TCF7L1: variants seen among roughly 807,000 people sequenced by gnomAD.
The protein encoded by TCF7L1 is transcription factor 7 like 1, also known as transcription factor 7-like 1.
A neutral mutation model predicts 63.7 loss-of-function variants in TCF7L1; 18 were observed. The observed-to-expected ratio is 0.28, with a 90% CI of 0.20 to 0.42. TCF7L1 has a LOEUF of 0.42. Ranked by LOEUF, TCF7L1 falls within the 10% of genes least tolerant of loss-of-function variation. TCF7L1 has a pLI of 1.00. For missense variants in TCF7L1, 654 were observed against 779.3 expected (o/e 0.84, Z 1.91); for synonymous variants, 355 against 340.9 (o/e 1.04, Z -0.46).
At chr2:85,261,126 GTGTGTGT>G (rs1558649404) in intron 3 of TCF7L1, among the ~76,000 whole-genome samples, 1,657 of 106,870 alleles carry the variant, frequency 0.016, 11 homozygotes, top group African/African-American at 0.04. Context: ...TATTGCTGGT[GTGTGTGT>G]GTGTGTGTGT....
intron 3 of TCF7L1, among the ~76,000 whole-genome samples, chr2:85,202,022 G>C (rs1317699903): frequency 6.6e-6 from 1 of 151,892 alleles, no homozygotes; most frequent in Non-Finnish European, 1.5e-5. Flanking sequence ...AAGTGCAGTG[G>C]TGCGATCTCA....
intron 3 of TCF7L1, among the ~76,000 whole-genome samples, chr2:85,147,954 TATTA>T (rs568602228): frequency 1.3e-4 from 20 of 152,304 alleles, no homozygotes; most frequent in Non-Finnish European, 2.8e-4. Flanking sequence ...AGTTTTTACT[TATTA>T]ATTATGTTAT....
At chr2:85,274,031 G>A (rs56152018) in intron 3 of TCF7L1, among the ~76,000 whole-genome samples, 8,387 of 152,252 alleles carry the variant, frequency 0.055, 322 homozygotes, top group Non-Finnish European at 0.08. Context: ...GGAGGGAAGC[G>A]TGTCAGTAGA....
chr2:85,174,678 G>A (rs1179868934), intron 3 of TCF7L1, among the ~76,000 whole-genome samples: 1 of 152,180 alleles, frequency 6.6e-6, no homozygotes, highest in Non-Finnish European at 1.5e-5. Context: ...CCTAGCACCT[G>A]AGAGCCTCCT....
At position 85,281,091 on chromosome 2, in the gene TCF7L1, T is replaced by C. The variant is rs899658318; in HGVS notation, c.442-2404T>C. On this transcript the variant is annotated intron_variant, in intron 3 of 11. Transcript: ENST00000282111. ...CAGGCTGGAGTGCAGTGGTGTGATCTCGGTTCACTGCAACCTCCGCCTCCT... is the reference window on the plus strand; with the variant it reads ...CAGGCTGGAGTGCAGTGGTGTGATCCCGGTTCACTGCAACCTCCGCCTCCT... 6.1e-5 allele frequency among the ~76,000 whole-genome samples: 9 copies of C among 148,342 alleles called. No individual in the cohort carries two copies. The Admixed American group carries it at 6.1e-4, about 10-fold the overall frequency.
At chr2:85,307,257 GTTC>G (rs753514790) in intron 10 of TCF7L1, among the ~76,000 whole-genome samples, 2 of 152,324 alleles carry the variant, frequency 1.3e-5, no homozygotes, top group Non-Finnish European at 2.9e-5. Context: ...TCGCATGCGT[GTTC>G]TTCTTTGCTT....
chr2:85,215,310 G>A (rs1285283731), intron 3 of TCF7L1, among the ~76,000 whole-genome samples: 1 of 152,230 alleles, frequency 6.6e-6, no homozygotes, highest in Admixed American at 6.5e-5. Context: ...TGCTAAAGAT[G>A]CTGATTGTCA....
chr2:85,265,740 G>A (rs549982289), intron 3 of TCF7L1, among the ~76,000 whole-genome samples: 2 of 151,410 alleles, frequency 1.3e-5, no homozygotes, highest in African/African-American at 4.8e-5. Context: ...ATGAGAGGCT[G>A]AAGATTTGAA....
intron 3 of TCF7L1, among the ~76,000 whole-genome samples, chr2:85,241,431 G>GTTTTTTTTTTTTTTTTTTTT (rs1273488175): frequency 4.4e-5 from 3 of 68,788 alleles, no homozygotes; most frequent in East Asian, 5.4e-4. Flanking sequence ...GATGCACTTT[G>GTTTTTTTTTTTTTTTTTTTT]TTTTTGTTTT....
intron 3 of TCF7L1, among the ~76,000 whole-genome samples, chr2:85,149,589 A>G (rs1677962542): frequency 6.6e-6 from 1 of 152,006 alleles, no homozygotes; most frequent in Non-Finnish European, 1.5e-5. Context: ...CAGTGGCGCC[A>G]TCTCAGCTCA....
At position 85,133,710 on chromosome 2, in the gene TCF7L1, G is replaced by A. The variant is rs1334521210; in HGVS notation, c.26G>A (p.Gly9Asp). 4 of 1,062,350 alleles carry A rather than the reference G, an allele frequency of 3.8e-6. No individual in the cohort carries two copies. In the African/African-American group the frequency reaches 5.1e-5, roughly 14 times the overall value. The allele number at this position is 1,062,350 out of a possible 1,614,324, so 65.8% of individuals were successfully genotyped here. A position where few individuals can be genotyped will look rare whatever the true frequency, so the allele number is the denominator to read the frequency against. MPQLGGGG[G>D]GGGGGSGGGG... ...ATGCCCCAGCTCGGCGGCGGGGGCG[G>A]CGGCGGCGGCGGCGGCAGCGGGGGA... Residue 9 changes from glycine to aspartate, a missense_variant, in exon 1 of 12, where the codon GGC (glycine) becomes GAC (aspartate). Physicochemically the swap from Gly to Asp is moderately conservative, Grantham distance 94 (BLOSUM62 -1). Coordinates refer to ENST00000282111, the MANE Select transcript of TCF7L1 (RefSeq NM_031283.3). This position sits in a 1 kb window ranked among gnomAD's most constrained non-coding sequence, Gnocchi z 4.4.
At chr2:85,287,444 G>A (rs938122059) in intron 4 of TCF7L1, among the ~76,000 whole-genome samples, 3 of 152,124 alleles carry the variant, frequency 2.0e-5, no homozygotes, top group Admixed American at 6.6e-5. Context: ...TTCTACACCC[G>A]TAGTTCCAAC....
intron 3 of TCF7L1, among the ~76,000 whole-genome samples, chr2:85,190,047 T>G (rs561524749): frequency 6.6e-6 from 1 of 152,340 alleles, no homozygotes; most frequent in Non-Finnish European, 1.5e-5. Context: ...CTTCAGCTTT[T>G]ATCTTTGTGT....
chr2:85,202,865 G>A lies in TCF7L1; in HGVS notation c.441+68415G>A, dbSNP rs147545102. On this transcript the variant is annotated intron_variant, in intron 3 of 11. Coordinates refer to ENST00000282111, the MANE Select transcript of TCF7L1 (RefSeq NM_031283.3). ...TTCTTTTTTTTTGAGACAGAGTCTC[G>A]CTCTTTCGCCCAGGCTGGAGTGCAG... 9.0e-3 allele frequency among the ~76,000 whole-genome samples: 1,370 copies of A among 151,998 alleles called. 19 individuals carry two copies. The highest frequency in any genetic ancestry group is 0.031 in the African/African-American group (1,286 of 41,450).
At chr2:85,291,993 A>ATTTGTT in intron 4 of TCF7L1, among the ~76,000 whole-genome samples, 1 of 13,832 alleles carries the variant, frequency 7.2e-5, no homozygotes, top group Non-Finnish European at 9.8e-5. Flanking sequence ...GGTCATATGT[A>ATTTGTT]TTTTTTTTTT....
chr2:85,238,724 G>T (rs1680252335), intron 3 of TCF7L1, among the ~76,000 whole-genome samples: 1 of 152,190 alleles, frequency 6.6e-6, no homozygotes, highest in Admixed American at 6.5e-5. Flanking sequence ...CAGTGGGGTA[G>T]TATCTGAGGG....
intron 3 of TCF7L1, among the ~76,000 whole-genome samples, chr2:85,232,698 G>C (rs1680110369): frequency 1.3e-5 from 2 of 152,144 alleles, no homozygotes; most frequent in Admixed American, 1.3e-4. Context: ...TTCAGGAAGA[G>C]CAAGATCTCA....
At chr2:85,194,980 A>G (rs757246150) in intron 3 of TCF7L1, among the ~76,000 whole-genome samples, 1 of 151,858 alleles carries the variant, frequency 6.6e-6, no homozygotes, top group Non-Finnish European at 1.5e-5. Flanking sequence ...TTTCAGCTCC[A>G]CCCCCCAGTC....
At chr2:85,260,637 C>T (rs1269495650) in intron 3 of TCF7L1, among the ~76,000 whole-genome samples, 1 of 126,208 alleles carries the variant, frequency 7.9e-6, no homozygotes, top group African/African-American at 2.7e-5. Flanking sequence ...GAGTGAGACC[C>T]TATCTCAAAA....
Sources: allele counts gnomAD v4.1 joint callset (sites outside exome capture counted in the v4.1 genomes callset), GRCh38; gene constraint gnomAD v4.1.1; non-coding constraint Gnocchi (gnomAD v3.1); transcripts MANE v1.5; gene names NCBI Gene and HGNC (gene_info 2026-07-23, HGNC 2026-07-21).